Variants in CSMD1 observed in about 807,000 individuals in gnomAD.
The protein encoded by CSMD1 is CUB and Sushi multiple domains 1.
In CSMD1, 213 loss-of-function variants were observed where a neutral mutation model predicts 417.5. That is an observed-to-expected ratio of 0.51 (90% CI 0.46 to 0.57). The LOEUF (loss-of-function observed/expected upper bound fraction) is 0.57. Ranked by LOEUF, CSMD1 falls within the 20% of genes least tolerant of loss-of-function variation. CSMD1 has a pLI of 0.00. For synonymous variants in CSMD1, 2,862 were observed against 1,736.8 expected (o/e 1.65, Z -16.11); for missense variants, 6,923 against 4,529.7 (o/e 1.53, Z -15.17).
intron 3 of CSMD1, among the ~76,000 whole-genome samples, chr8:4,326,763 G>T (rs1258386138): frequency 6.6e-6 from 1 of 152,086 alleles, no homozygotes; most frequent in Non-Finnish European, 1.5e-5. Flanking sequence ...TTCAGAAGAA[G>T]ATGAGGTACG....
chr8:4,229,419 A>C (rs185788171), intron 3 of CSMD1, among the ~76,000 whole-genome samples: 602 of 152,276 alleles, frequency 4.0e-3, no homozygotes, highest in Non-Finnish European at 6.7e-3. Flanking sequence ...TACCTACCAC[A>C]ATCACTCATT....
intron 25 of CSMD1, 45 bp downstream of exon 25, chr8:3,307,650 C>T (rs757427157): frequency 1.6e-5 from 26 of 1,581,448 alleles, no homozygotes; most frequent in East Asian, 2.2e-5. Context: ...GAATAGAAGG[C>T]ATATCTCTTT....
chr8:4,813,072 T>C (rs995537479), intron 1 of CSMD1, among the ~76,000 whole-genome samples: 4 of 152,190 alleles, frequency 2.6e-5, no homozygotes, highest in African/African-American at 7.2e-5. Context: ...CTGGCAGAGG[T>C]AGATATTTAT....
At chr8:4,241,514 G>A (rs1365355193) in intron 3 of CSMD1, among the ~76,000 whole-genome samples, 1 of 152,140 alleles carries the variant, frequency 6.6e-6, no homozygotes, top group Non-Finnish European at 1.5e-5. Flanking sequence ...TGTGCCCCCA[G>A]GAGGGCAGGG....
intron 3 of CSMD1, among the ~76,000 whole-genome samples, chr8:4,275,609 C>G (rs931987875): frequency 6.6e-6 from 1 of 152,030 alleles, no homozygotes; most frequent in Non-Finnish European, 1.5e-5. Flanking sequence ...AATTTTTAAC[C>G]TCAGCATACA....
intron 23 of CSMD1, among the ~76,000 whole-genome samples, chr8:3,322,988 C>T (rs1806254158): frequency 6.6e-6 from 1 of 152,208 alleles, no homozygotes; most frequent in Non-Finnish European, 1.5e-5. Context: ...AAGCCTTCCT[C>T]ATCAGAACCT....
At chr8:4,896,117 A>G (rs1350539874) in intron 1 of CSMD1, among the ~76,000 whole-genome samples, 2 of 152,126 alleles carry the variant, frequency 1.3e-5, no homozygotes, top group South Asian at 2.1e-4. Flanking sequence ...TCTGAAATCA[A>G]TGCTACTTTT....
rs186313441 is a variant in CSMD1, at chr8:3,942,799, A to G, written c.818+55104T>C. Among the ~76,000 whole-genome samples the G allele has an allele frequency of 1.4e-4, 22 of 152,314 alleles. No individual in the cohort carries two copies. In the East Asian group the frequency reaches 3.5e-3, roughly 24 times the overall value. The stretch of plus-strand genomic sequence containing the variant: ...TTAAACAGTTACTGGGATAAGAAAA[A>G]TATTTTGGCAATACCTAACCATAAG... On this transcript the variant is annotated intron_variant, in intron 5 of 69. Transcript: ENST00000635120.
At chr8:3,571,642 C>T (rs145343768) in intron 10 of CSMD1, among the ~76,000 whole-genome samples, 12 of 152,100 alleles carry the variant, frequency 7.9e-5, no homozygotes, top group African/African-American at 1.9e-4. Flanking sequence ...CCAAGGGAAT[C>T]CGGTGTTCTG....
At chr8:4,026,919 C>G (rs1043360375) in intron 4 of CSMD1, among the ~76,000 whole-genome samples, 1 of 146,578 alleles carries the variant, frequency 6.8e-6, no homozygotes, top group Non-Finnish European at 1.5e-5. Context: ...TAAAAACCAA[C>G]CAAACAACAA....
At chr8:3,436,849 G>T (rs766987372) in intron 12 of CSMD1, among the ~76,000 whole-genome samples, 2 of 152,080 alleles carry the variant, frequency 1.3e-5, no homozygotes, top group African/African-American at 2.4e-5. Context: ...AATATGTTAT[G>T]ATTCGGGATT....
intron 5 of CSMD1, among the ~76,000 whole-genome samples, chr8:3,883,197 A>G (rs1397390856): frequency 6.6e-6 from 1 of 152,192 alleles, no homozygotes; most frequent in Non-Finnish European, 1.5e-5. Flanking sequence ...CAAGAAATGC[A>G]ATTTACTAGA....
At chr8:4,673,031 G>A (rs555734990) in intron 1 of CSMD1, among the ~76,000 whole-genome samples, 16 of 151,636 alleles carry the variant, frequency 1.1e-4, no homozygotes, top group African/African-American at 2.9e-4. Context: ...ACACGCACAC[G>A]GTGACACAAC....
chr8:3,476,222 T>C (rs1817409062), intron 11 of CSMD1, among the ~76,000 whole-genome samples: 1 of 152,198 alleles, frequency 6.6e-6, no homozygotes, highest in Non-Finnish European at 1.5e-5. Context: ...GGATAACACC[T>C]ATCTCTGACT....
At position 4,644,164 on chromosome 8, in the gene CSMD1, G is replaced by A. The variant is rs558597395; in HGVS notation, c.86-6606C>T. Among the ~76,000 whole-genome samples, 36 of 152,200 alleles carry A rather than the reference G, an allele frequency of 2.4e-4. 1 individual carries two copies. In the South Asian group the frequency reaches 2.7e-3, roughly 11 times the overall value. On this transcript the variant is annotated intron_variant, in intron 1 of 69. Coordinates refer to ENST00000635120, the MANE Select transcript of CSMD1 (RefSeq NM_033225.6). ...CACTCAAAATGAACCAGGAGTACCC[G>A]GTTTGTATCACTCCAAAAGGAAAAG...
intron 1 of CSMD1, among the ~76,000 whole-genome samples, chr8:4,860,445 C>A (rs944871297): frequency 6.6e-6 from 1 of 151,832 alleles, no homozygotes; most frequent in African/African-American, 2.4e-5. Context: ...TCCACCCTTG[C>A]TCTCTTGGCC....
chr8:4,847,572 T>A (rs1801213490), intron 1 of CSMD1, among the ~76,000 whole-genome samples: 1 of 152,162 alleles, frequency 6.6e-6, no homozygotes, highest in Admixed American at 6.5e-5. Flanking sequence ...GAGTCCATAC[T>A]CTATTCAGAT....
chr8:4,296,857 C>T (rs527802361), intron 3 of CSMD1, among the ~76,000 whole-genome samples: 1 of 152,068 alleles, frequency 6.6e-6, no homozygotes, highest in Non-Finnish European at 1.5e-5. Context: ...ATCTCCCAGA[C>T]TTGTCTTAGA....
intron 6 of CSMD1, among the ~76,000 whole-genome samples, chr8:3,740,879 C>G (rs1282749241): frequency 6.6e-6 from 1 of 152,086 alleles, no homozygotes; most frequent in Admixed American, 6.5e-5. Context: ...CAGAGCCCTA[C>G]TCAGCTTCTG....
Sources: gnomAD v4.1 joint callset for allele counts (sites outside exome capture counted in the v4.1 genomes callset) on GRCh38, gnomAD v4.1.1 for gene constraint, MANE v1.5 for transcripts, NCBI Gene and HGNC (gene_info 2026-07-23, HGNC 2026-07-21) for gene names.